Variants in PZP observed in about 807,000 individuals in gnomAD.
PZP encodes pregnancy zone protein.
PZP carries 150 observed loss-of-function variants against 179.8 expected under a neutral mutation model. The ratio of observed to expected loss-of-function variants is 0.83; its 90% CI spans 0.73 to 0.96. The LOEUF is 0.96. Ranked by LOEUF, PZP falls within the 40% of genes least tolerant of loss-of-function variation. The probability of loss-of-function intolerance (pLI) is 0.00; values close to 1 mark genes in which losing one functional copy is unlikely to be tolerated. For synonymous variants in PZP, 624 were observed against 652.3 expected (o/e 0.96, Z 0.66); for missense variants, 1,689 against 1,764.0 (o/e 0.96, Z 0.76).
intron 1 of PZP, among the ~76,000 whole-genome samples, chr12:9,206,227 C>A (rs1160443789): frequency 1.3e-5 from 2 of 151,248 alleles, no homozygotes; most frequent in Non-Finnish European, 2.9e-5. Flanking sequence ...TCCTTTAGTT[C>A]TTTGATCTTA....
In PZP at chr12:9,150,668, T is replaced by C; in HGVS notation, c.4360A>G (p.Lys1454Glu). Residue 1454 changes from lysine (K) to glutamate (E), a missense_variant, in exon 34 of 36, where the codon AAA (lysine) becomes GAA (glutamate). Lys to Glu is a moderately conservative substitution (Grantham distance 56). Transcript: ENST00000261336. ...PVGDLKPAIV[K>E]VYDYYETDES... ...CCTGTCTCATAGTAATCATAGACTT[T>C]AACAATTGCTGGCTTCAAGTCTCCT... The C allele has an allele frequency of 6.2e-7, 1 of 1,610,050 alleles. No individual in the cohort carries two copies. Among genetic ancestry groups the C allele is most frequent in the Non-Finnish European group, 8.5e-7 (1 of 1,176,806 alleles).
chr12:9,176,403 GT>G (rs1319365589), intron 15 of PZP, among the ~76,000 whole-genome samples: 1 of 152,166 alleles, frequency 6.6e-6, no homozygotes, highest in Non-Finnish European at 1.5e-5. Context: ...CATGGCACAT[GT>G]TTACCTATGT....
Position 9,203,756 on chromosome 12 carries a change from C to G in PZP, c.267+12G>C. On this transcript the variant is annotated intron_variant, in intron 2 of 35. Coordinates refer to ENST00000261336, the MANE Select transcript of PZP (RefSeq NM_002864.3). Reference sequence around the variant, plus strand: ...TCAAGCAGGGATAGCCAGCTGGCACCGTAGCACTCACAGTGAAGGAGACAC... The same window carrying G: ...TCAAGCAGGGATAGCCAGCTGGCACGGTAGCACTCACAGTGAAGGAGACAC... The G allele has an allele frequency of 6.2e-7, 1 of 1,613,734 alleles. No individual in the cohort carries two copies. The highest frequency in any genetic ancestry group is 1.7e-4 in the Middle Eastern group (1 of 6,060).
Position 9,202,563 on chromosome 12 carries a change from A to C in PZP, c.389T>G (p.Val130Gly), listed in dbSNP as rs35989918. The C allele has an allele frequency of 4.8e-5, 78 of 1,614,084 alleles. 1 individual carries two copies. In the African/African-American group the frequency reaches 1.0e-3, roughly 21 times the overall value. The change falls in exon 3 of 36, where the codon GTC becomes GGC. Residue 130 changes from valine (V) to glycine (G), a missense_variant. Val to Gly is a moderately radical substitution (Grantham distance 109, BLOSUM62 -3). Around this residue, in one of 3 missense-constraint regions of PZP, gnomAD observed 742 missense variants for 730.5 expected, o/e 1.02. Coordinates refer to ENST00000261336, the MANE Select transcript of PZP (RefSeq NM_002864.3). ...LVLNTQSLVFVQTDKPMYKPG... is the reference protein window; with the variant it reads ...LVLNTQSLVFGQTDKPMYKPG... ...TTTATACATGGGTTTGTCTGTCTGG[A>C]CAAAGACCAGACTTTGGGTGTTCAG...
chr12:9,195,310 G>A (rs755284329), intron 10 of PZP, among the ~76,000 whole-genome samples: 6 of 152,034 alleles, frequency 3.9e-5, no homozygotes, highest in Admixed American at 1.3e-4. Context: ...AGTTACTAAC[G>A]TTATTATTAT....
At chr12:9,159,428 T>G (rs1863838) in intron 25 of PZP, among the ~76,000 whole-genome samples, 133,454 of 152,042 alleles carry the variant, frequency 0.88, 59,144 homozygotes, top group East Asian at 0.96. Flanking sequence ...GTTTAGAAAT[T>G]GTTTCTCCAC....
chr12:9,151,104 C>A (rs1436447128), intron 33 of PZP, among the ~76,000 whole-genome samples: 1 of 152,096 alleles, frequency 6.6e-6, no homozygotes, highest in African/African-American at 2.4e-5. Flanking sequence ...AAAACATTTT[C>A]TTTGTTTTAT....
chr12:9,157,273 T>C lies in PZP; in HGVS notation c.3452A>G (p.Tyr1151Cys). The part of the protein sequence containing the change: ...AKEGTHGSHV[Y>C]TKALLAYAFS... The stretch of plus-strand genomic sequence containing the variant: ...AGCATAGGCCAGCAATGCCTTGGTG[T>C]AGACATGGCTCCCATGGGTCCCCTC... The change falls in exon 28 of 36, where the codon TAC becomes TGC. Residue 1151 changes from tyrosine to cysteine, a missense_variant. Around this residue, in one of 3 missense-constraint regions of PZP, gnomAD observed 746 missense variants for 749.2 expected, o/e 1.00. Coordinates refer to ENST00000261336, the MANE Select transcript of PZP (RefSeq NM_002864.3). The C allele has an allele frequency of 6.2e-7, 1 of 1,614,046 alleles. No individual in the cohort carries two copies.
At chr12:9,186,459 C>A (rs1308780714) in intron 13 of PZP, among the ~76,000 whole-genome samples, 1 of 152,110 alleles carries the variant, frequency 6.6e-6, no homozygotes, top group Non-Finnish European at 1.5e-5. Context: ...CACAGAGTGG[C>A]AAGCCAGATG....
At chr12:9,162,740 C>A in intron 21 of PZP, 92 bp from the exon 22 acceptor site, 1 of 1,030,322 alleles carries the variant, frequency 9.7e-7, no homozygotes, top group Non-Finnish European at 1.5e-6. Context: ...GTAGGGTTTA[C>A]ACGAATGATG....
intron 22 of PZP, chr12:9,162,208 C>T (rs1031969172): frequency 1.2e-4 from 20 of 162,134 alleles, no homozygotes; most frequent in Admixed American, 1.3e-4. Flanking sequence ...GTCATCCTCC[C>T]GCCTCAGCCT....
intron 29 of PZP, among the ~76,000 whole-genome samples, chr12:9,153,677 A>G (rs1940534031): frequency 6.6e-6 from 1 of 152,238 alleles, no homozygotes. Flanking sequence ...TTGACCAGTT[A>G]GATGGAAGAG....
the PZP span, among the ~76,000 whole-genome samples, chr12:9,138,492 G>A: frequency 2.0e-5 from 3 of 151,676 alleles, no homozygotes; most frequent in South Asian, 4.2e-4. Flanking sequence ...TCCTTGTCTG[G>A]CTTTGGTAGC....
At chr12:9,176,362 AG>A (rs1490512989) in intron 15 of PZP, among the ~76,000 whole-genome samples, 1 of 152,192 alleles carries the variant, frequency 6.6e-6, no homozygotes, top group Non-Finnish European at 1.5e-5. Flanking sequence ...CTTAATACCT[AG>A]GTGATGGGTT....
chr12:9,165,873 A>C (rs1592473768), intron 18 of PZP, among the ~76,000 whole-genome samples, 179 bp downstream of exon 18: 1 of 152,244 alleles, frequency 6.6e-6, no homozygotes, highest in Non-Finnish European at 1.5e-5. Context: ...ATTGCTCAGC[A>C]CTGAGACAAT....
intron 15 of PZP, among the ~76,000 whole-genome samples, chr12:9,172,749 A>C (rs1407432772): frequency 6.6e-6 from 1 of 152,128 alleles, no homozygotes; most frequent in African/African-American, 2.4e-5. Context: ...TATAATAGTA[A>C]AGGATTCAAT....
At chr12:9,169,074 A>G (rs1592483291) in intron 16 of PZP, 100 bp from the exon 17 acceptor site, 1 of 807,362 alleles carries the variant, frequency 1.2e-6, no homozygotes, top group Non-Finnish European at 2.0e-6. Context: ...GTATCCTTAT[A>G]TTAATTCTAT....
Position 9,152,916 on chromosome 12 carries a change from C to T in PZP, c.4029G>A (p.Glu1343=), listed in dbSNP as rs779501872. Residue 1343 remains glutamate (E), a synonymous_variant, in exon 31 of 36, where the codon GAG becomes GAA. Coordinates refer to ENST00000261336, the MANE Select transcript of PZP (RefSeq NM_002864.3). ...SMKYNILPEK[E]DSPFALKVQT... ...GCACTTTTAAAGCAAATGGGGAGTCCTCTTTCTCTGGAAGAATATTGTATT... is the reference window on the plus strand; with the variant it reads ...GCACTTTTAAAGCAAATGGGGAGTCTTCTTTCTCTGGAAGAATATTGTATT... 5 of 1,614,112 alleles carry T rather than the reference C, an allele frequency of 3.1e-6. No homozygotes were observed. The highest frequency in any genetic ancestry group is 4.2e-6 in the Non-Finnish European group (5 of 1,180,006).
At chr12:9,196,184 G>A in intron 10 of PZP, 146 bp downstream of exon 10, 1 of 543,404 alleles carries the variant, frequency 1.8e-6, no homozygotes. Flanking sequence ...GTGATATTTA[G>A]AAAGGAAAGT....
Sources: gnomAD v4.1 joint callset for allele counts (sites outside exome capture counted in the v4.1 genomes callset) on GRCh38, gnomAD v4.1.1 for gene constraint, gnomAD v4.1.1 regional missense constraint, MANE v1.5 for transcripts, NCBI Gene and HGNC (gene_info 2026-07-23, HGNC 2026-07-21) for gene names.